Variants in SLC24A2 observed in about 807,000 individuals in gnomAD.
SLC24A2 encodes the protein sodium/potassium/calcium exchanger 2.
Under a neutral mutation model 62.0 loss-of-function variants are expected in SLC24A2, and 36 were observed. The observed-to-expected ratio is 0.58, with a 90% CI of 0.44 to 0.77. The LOEUF (loss-of-function observed/expected upper bound fraction) is 0.77, where lower values mean the gene tolerates loss of function less well. Among genes scored for constraint, SLC24A2 ranks in the 30% least tolerant of loss-of-function variants. The pLI, the probability that SLC24A2 is intolerant of heterozygous loss-of-function variation, is 0.00. For synonymous variants in SLC24A2, 358 were observed against 294.0 expected, an observed-to-expected ratio of 1.22 and a Z score of -2.23; for missense variants, 846 against 817.9, an observed-to-expected ratio of 1.03 and a Z score of -0.42.
rs923372492 is a variant in SLC24A2 at position 19,647,074 on chromosome 9, A to G, written c.931-24775T>C. ...CACACACACACACACGCGCGCACAC[A>G]CACACACACACACACACACACACAC... is the stretch of plus-strand genomic sequence containing the variant. On this transcript the variant is annotated intron_variant, in intron 2 of 10. Transcript: ENST00000341998. Among the ~76,000 whole-genome samples, 153 of 144,754 alleles carry G rather than the reference A, an allele frequency of 1.1e-3. 2 individuals carry two copies. The highest frequency in any genetic ancestry group is 9.6e-3 in the East Asian group (48 of 5,024). 95.0% of individuals were successfully genotyped at this position (144,754 alleles called of 152,430 possible). A position where few individuals can be genotyped will look rare whatever the true frequency, so the allele number is the denominator to read the frequency against.
At chr9:19,718,555 C>T (rs1820933529) in intron 2 of SLC24A2, among the ~76,000 whole-genome samples, 1 of 150,538 alleles carries the variant, frequency 6.6e-6, no homozygotes, top group African/African-American at 2.5e-5. Flanking sequence ...AAGCAATTGG[C>T]CCGCCTTGGC....
At chr9:19,971,156 A>G in the SLC24A2 span, among the ~76,000 whole-genome samples, 1 of 152,200 alleles carries the variant, frequency 6.6e-6, no homozygotes, top group Non-Finnish European at 1.5e-5. Flanking sequence ...AGAGTAGAGC[A>G]AAAGTCACCT....
At chr9:20,056,820 T>C in the SLC24A2 span, among the ~76,000 whole-genome samples, 3,491 of 152,314 alleles carry the variant, frequency 0.023, 61 homozygotes, top group Middle Eastern at 0.048. Flanking sequence ...GGGAAAGTGA[T>C]ATATGCATCT....
chr9:19,614,347 T>C (rs1817709665), intron 4 of SLC24A2, among the ~76,000 whole-genome samples: 1 of 152,210 alleles, frequency 6.6e-6, no homozygotes, highest in South Asian at 2.1e-4. Context: ...GTTCAGAGTT[T>C]TGTGTCCCTG....
At chr9:19,810,059 A>G in the SLC24A2 span, among the ~76,000 whole-genome samples, 2 of 152,288 alleles carry the variant, frequency 1.3e-5, no homozygotes, top group Middle Eastern at 3.4e-3. Flanking sequence ...CTCTTGGGGC[A>G]TAGAGGCCAC....
At chr9:19,609,888 G>A (rs1235054766) in intron 4 of SLC24A2, among the ~76,000 whole-genome samples, 1 of 152,138 alleles carries the variant, frequency 6.6e-6, no homozygotes, top group East Asian at 1.9e-4. Flanking sequence ...CACATGCACA[G>A]TTCACCATAG....
At chr9:20,100,826 T>C in the SLC24A2 span, among the ~76,000 whole-genome samples, 1 of 152,218 alleles carries the variant, frequency 6.6e-6, no homozygotes, top group Admixed American at 6.5e-5. Flanking sequence ...GTTTTTTGTT[T>C]TGTTTTTTCC....
chr9:20,288,605 C>A, the SLC24A2 span, among the ~76,000 whole-genome samples: 1 of 151,970 alleles, frequency 6.6e-6, no homozygotes, highest in Non-Finnish European at 1.5e-5. Flanking sequence ...CCTATCTCTA[C>A]TAAAAATACA....
chr9:19,883,599 T>C, the SLC24A2 span, among the ~76,000 whole-genome samples: 1 of 150,844 alleles, frequency 6.6e-6, no homozygotes, highest in African/African-American at 2.4e-5. Flanking sequence ...GGAGTCTTGC[T>C]CTGTCGCCCA....
intron 2 of SLC24A2, among the ~76,000 whole-genome samples, chr9:19,754,000 T>A (rs1038407505): frequency 1.3e-5 from 2 of 152,190 alleles, no homozygotes; most frequent in Non-Finnish European, 2.9e-5. Context: ...AATGACTGAT[T>A]ACATATTTGA....
chr9:20,257,723 A>G, the SLC24A2 span, among the ~76,000 whole-genome samples: 4 of 152,212 alleles, frequency 2.6e-5, no homozygotes, highest in African/African-American at 7.2e-5. Flanking sequence ...AAAAGTACCC[A>G]ATTTATCAGT....
the SLC24A2 span, among the ~76,000 whole-genome samples, chr9:20,129,319 T>G: frequency 1.3e-5 from 2 of 152,036 alleles, no homozygotes; most frequent in African/African-American, 4.8e-5. Context: ...TATGGAGAAA[T>G]TAGAATCCTC....
chr9:19,924,617 T>C, the SLC24A2 span, among the ~76,000 whole-genome samples: 2 of 152,194 alleles, frequency 1.3e-5, no homozygotes, highest in African/African-American at 4.8e-5. Context: ...GACTCCTCCT[T>C]AAGAGCAAAT....
the SLC24A2 span, among the ~76,000 whole-genome samples, chr9:20,114,594 TG>T: frequency 6.6e-6 from 1 of 152,150 alleles, no homozygotes; most frequent in Non-Finnish European, 1.5e-5. Flanking sequence ...TATCTTGTCA[TG>T]GAGGAGGGGA....
chr9:20,063,499 G>T, the SLC24A2 span, among the ~76,000 whole-genome samples: 1 of 117,236 alleles, frequency 8.5e-6, no homozygotes, highest in East Asian at 3.1e-4. Context: ...TTGTGGGGTG[G>T]GGGGAGGGGG....
chr9:20,238,418 A>C, the SLC24A2 span, among the ~76,000 whole-genome samples: 3 of 152,226 alleles, frequency 2.0e-5, no homozygotes. Context: ...TGGAACTCTG[A>C]GTAGCTTGTT....
chr9:20,167,979 G>T, the SLC24A2 span, among the ~76,000 whole-genome samples: 1 of 151,664 alleles, frequency 6.6e-6, no homozygotes, highest in Non-Finnish European at 1.5e-5. Flanking sequence ...TGGAAAGAAA[G>T]CCTTGGCACT....
chr9:20,159,225 T>C, the SLC24A2 span, among the ~76,000 whole-genome samples: 1 of 151,490 alleles, frequency 6.6e-6, no homozygotes, highest in Non-Finnish European at 1.5e-5. Context: ...TCCTGAAGAG[T>C]CTACTAGAGC....
At chr9:19,767,736 T>G (rs1423638654) in intron 2 of SLC24A2, among the ~76,000 whole-genome samples, 1 of 152,252 alleles carries the variant, frequency 6.6e-6, no homozygotes, top group African/African-American at 2.4e-5. Flanking sequence ...AGACCAGAGC[T>G]GTTTTTATTC....
Sources: gnomAD v4.1 joint callset for allele counts (sites outside exome capture counted in the v4.1 genomes callset) on GRCh38, gnomAD v4.1.1 for gene constraint, MANE v1.5 for transcripts, NCBI Gene and HGNC (gene_info 2026-07-23, HGNC 2026-07-21) for gene names.